Variants in PFKFB3 observed in about 807,000 individuals in gnomAD.
PFKFB3 encodes the protein 6-phosphofructo-2-kinase/fructose-2,6-biphosphatase 3.
A neutral mutation model predicts 68.0 loss-of-function variants in PFKFB3; 33 were observed. The ratio of observed to expected loss-of-function variants is 0.49; its 90% CI spans 0.37 to 0.65. The LOEUF is 0.65. Among genes scored for constraint, PFKFB3 ranks in the 30% least tolerant of loss-of-function variants. The pLI, the probability that PFKFB3 is intolerant of heterozygous loss-of-function variation, is 0.00. For synonymous variants in PFKFB3, 315 were observed against 288.2 expected (o/e 1.09, Z -0.94); for missense variants, 586 against 712.2 (o/e 0.82, Z 2.02).
At chr10:6,254,158 A>G (rs1294681493) in intron 14 of PFKFB3, 2 of 394,754 alleles carry the variant, frequency 5.1e-6, no homozygotes, top group Admixed American at 4.5e-5. Flanking sequence ...CTAATCCACA[A>G]TGTACTCCTT....
chr10:6,280,762 G>T, the PFKFB3 span, among the ~76,000 whole-genome samples: 3 of 151,946 alleles, frequency 2.0e-5, no homozygotes, highest in Non-Finnish European at 2.9e-5. Context: ...CACTGAATTG[G>T]GCTTTATGAG....
At chr10:6,208,371 C>CTTTGTTTTTTTTTTTTTTTT (rs1843932356) in intron 1 of PFKFB3, among the ~76,000 whole-genome samples, 1 of 60,624 alleles carries the variant, frequency 1.6e-5, no homozygotes, top group African/African-American at 6.7e-5. Flanking sequence ...GGTACCTGGC[C>CTTTGTTTTTTTTTTTTTTTT]TTTTTTTTTT....
At chr10:6,299,968 CTTTTTTTTTTTTTTTT>C in the PFKFB3 span, among the ~76,000 whole-genome samples, 6 of 48,588 alleles carry the variant, frequency 1.2e-4, no homozygotes, top group Admixed American at 1.1e-3. Context: ...GTTCAGAAGA[CTTTTTTTTTTTTTTTT>C]TTTTTTTTTT....
chr10:6,293,947 T>C, the PFKFB3 span: 1 of 500,576 alleles, frequency 2.0e-6, no homozygotes, highest in Non-Finnish European at 4.0e-6. Context: ...TTGGTCCTTA[T>C]GGCTTCACGA....
At chr10:6,209,916 C>T (rs975849852) in intron 1 of PFKFB3, among the ~76,000 whole-genome samples, 4 of 151,812 alleles carry the variant, frequency 2.6e-5, no homozygotes, top group Non-Finnish European at 5.9e-5. Context: ...AGGCGCCTGC[C>T]ATCACGCCTG....
chr10:6,208,501 C>T (rs56013601), intron 1 of PFKFB3, among the ~76,000 whole-genome samples: 47,278 of 150,392 alleles, frequency 0.31, 7,489 homozygotes, highest in Middle Eastern at 0.43. Flanking sequence ...CACTCAAATA[C>T]GGATAGAAAG....
the PFKFB3 span, among the ~76,000 whole-genome samples, chr10:6,285,576 G>A: frequency 6.6e-6 from 1 of 152,158 alleles, no homozygotes; most frequent in Non-Finnish European, 1.5e-5. Flanking sequence ...CACTTTATGT[G>A]AGATCTACCC....
the PFKFB3 span, among the ~76,000 whole-genome samples, chr10:6,274,768 C>G: frequency 6.0e-3 from 906 of 151,690 alleles, 34 homozygotes; most frequent in Admixed American, 0.046. Flanking sequence ...CCCGGGTGGT[C>G]GAGGTTGCAG....
upstream of PFKFB3, among the ~76,000 whole-genome samples, chr10:6,199,881 C>T (rs749684768): frequency 3.3e-5 from 5 of 151,798 alleles, 1 homozygote; most frequent in African/African-American, 4.8e-5. Flanking sequence ...TCCCAAACAG[C>T]TCAATTGTTC....
chr10:6,154,495 G>A lies in PFKFB3; in HGVS notation c.16+9482G>A, dbSNP rs769456856. Among the ~76,000 whole-genome samples the A allele has an allele frequency of 2.6e-5, 4 of 152,118 alleles. No individual in the cohort carries two copies. Among genetic ancestry groups the A allele is most frequent in the African/African-American group, 2.4e-5 (1 of 41,422 alleles). On this transcript the variant is annotated intron_variant, in intron 1 of 14. Transcript: ENST00000379789. This position sits in a 1 kb window ranked among gnomAD's most constrained non-coding sequence, Gnocchi z 4.6. ...ACTCCTGAGTTCAAGTGATTTGCCC[G>A]CCTCGGCCTTCCAAAGTGCTGGGAT...
At chr10:6,196,661 G>T (rs1843184175) in intron 1 of PFKFB3, among the ~76,000 whole-genome samples, 1 of 152,140 alleles carries the variant, frequency 6.6e-6, no homozygotes, top group African/African-American at 2.4e-5. Flanking sequence ...GCCTGCTTTT[G>T]TTCGGGCCCT....
intron 1 of PFKFB3, among the ~76,000 whole-genome samples, chr10:6,197,259 GAGCCAC>G (rs1336572015): frequency 6.6e-6 from 1 of 152,154 alleles, no homozygotes; most frequent in Non-Finnish European, 1.5e-5. Flanking sequence ...TTACAGGTGT[GAGCCAC>G]AGCACCTGGC....
intron 1 of PFKFB3, among the ~76,000 whole-genome samples, chr10:6,205,038 C>G (rs1369782068): frequency 6.6e-6 from 1 of 152,244 alleles, no homozygotes; most frequent in Non-Finnish European, 1.5e-5. Flanking sequence ...ACCTGCACGT[C>G]TCACACGCAG....
chr10:6,302,321 C>T, the PFKFB3 span, among the ~76,000 whole-genome samples: 7 of 143,502 alleles, frequency 4.9e-5, no homozygotes, highest in East Asian at 2.0e-4. Flanking sequence ...TCCCAAAGTG[C>T]TGGGATTACA....
rs371214308 is a variant in PFKFB3, at chr10:6,226,175, G to C, written c.1342-17G>C. 2 of 1,548,350 alleles carry C rather than the reference G, an allele frequency of 1.3e-6. No individual in the cohort carries two copies. Among genetic ancestry groups the C allele is most frequent in the Non-Finnish European group, 1.7e-6 (2 of 1,147,582 alleles). ...TGTAACTGTCGCCTTTCTCTCTTTT[G>C]TCTTTGTCTTGCTTAGGATGCAAAG... On this transcript the variant is annotated splice_polypyrimidine_tract_variant and intron_variant, in intron 13 of 14. Transcript: ENST00000379775.
downstream of PFKFB3, chr10:6,254,743 GT>G (rs1846462509): frequency 6.5e-6 from 1 of 154,458 alleles, no homozygotes; most frequent in African/African-American, 2.5e-5. Context: ...AAGCTATGAT[GT>G]TTGGTAGGTT....
At chr10:6,287,331 C>G in the PFKFB3 span, among the ~76,000 whole-genome samples, 1 of 152,240 alleles carries the variant, frequency 6.6e-6, no homozygotes, top group African/African-American at 2.4e-5. Flanking sequence ...CTCAAGTGAC[C>G]TGCCTGCCCG....
At chr10:6,192,379 T>G (rs1156723157) in intron 1 of PFKFB3, among the ~76,000 whole-genome samples, 1 of 151,118 alleles carries the variant, frequency 6.6e-6, no homozygotes, top group Non-Finnish European at 1.5e-5. Context: ...TTTTTTTTTT[T>G]TTTTTGGCTT....
chr10:6,150,324 A>G (rs1841533126), intron 1 of PFKFB3, among the ~76,000 whole-genome samples: 1 of 152,186 alleles, frequency 6.6e-6, no homozygotes, highest in South Asian at 2.1e-4. Flanking sequence ...GCAGAGCCAC[A>G]TTAAGATCCT....
Sources: gnomAD v4.1 joint callset for allele counts (sites outside exome capture counted in the v4.1 genomes callset) on GRCh38, gnomAD v4.1.1 for gene constraint, Gnocchi (gnomAD v3.1) non-coding constraint, MANE v1.5 for transcripts, NCBI Gene and HGNC (gene_info 2026-07-23, HGNC 2026-07-21) for gene names.